The following UQCRB variants were observed in gnomAD, a reference collection of about 807,000 sequenced individuals.
UQCRB encodes the protein ubiquinol-cytochrome c reductase binding protein.
A neutral mutation model predicts 19.8 loss-of-function variants in UQCRB; 12 were observed. The ratio of observed to expected loss-of-function variants is 0.61; its 90% confidence interval spans 0.39 to 0.98. The LOEUF is 0.98. Among genes scored for constraint, UQCRB ranks in the 50% least tolerant of loss-of-function variants. The pLI, the probability that UQCRB is intolerant of heterozygous loss-of-function variation, is 0.00. For synonymous variants in UQCRB, 39 were observed against 42.9 expected (o/e 0.91, Z 0.35); for missense variants, 142 against 131.8 (o/e 1.08, Z -0.38).
intron 1 of UQCRB, chr8:96,234,817 C>A: frequency 5.3e-6 from 1 of 188,444 alleles, no homozygotes; most frequent in Non-Finnish European, 1.1e-5. Flanking sequence ...CCAACTTGTA[C>A]CGCCAGAGGG....
At chr8:96,234,582 C>T in intron 1 of UQCRB, 1 of 1,107,874 alleles carries the variant, frequency 9.0e-7, no homozygotes, top group Non-Finnish European at 1.2e-6. Context: ...CCCCCACCCC[C>T]AAAAAGCTCA....
intron 1 of UQCRB, chr8:96,234,755 A>C (rs1043926135): frequency 3.5e-6 from 1 of 287,318 alleles, no homozygotes; most frequent in Non-Finnish European, 7.0e-6. Context: ...CTGGGCGACA[A>C]AGCAAGACTC....
rs1809566278 is a variant in UQCRB, at chr8:96,228,103, T to C, written c.*2952A>G. On this transcript the variant is annotated 3_prime_UTR_variant, in exon 4 of 4. Transcript: ENST00000287022. ...AGGAAGGCCAAGTGATACTAGGTAG[T>C]GCACTACAACAGTGAACATAAGCCA... 1 of 454,010 alleles carries C rather than the reference T, an allele frequency of 2.2e-6. No homozygotes were observed. Among genetic ancestry groups the C allele is most frequent in the Non-Finnish European group, 4.4e-6 (1 of 226,796 alleles). The allele number at this position is 454,010 out of a possible 1,614,324, so 28.1% of individuals were successfully genotyped here. A position where few individuals can be genotyped will look rare whatever the true frequency, so the allele number is the denominator to read the frequency against.
Position 96,225,117 on chromosome 8 carries a change from C to A in UQCRB, c.*5938G>T, listed in dbSNP as rs1037765248. On this transcript the variant is annotated 3_prime_UTR_variant, in exon 4 of 4. Coordinates refer to ENST00000287022, the MANE Select transcript of UQCRB (RefSeq NM_006294.5). ...GGGGAAGAGGGAGCTAAGAGGAAAA[C>A]TAAACAAATAAGGAAAAGGCTGTGA... 2.4e-4 allele frequency among the ~76,000 whole-genome samples: 36 copies of A among 151,954 alleles called. No homozygotes were observed. Among genetic ancestry groups the A allele is most frequent in the African/African-American group, 8.7e-4 (36 of 41,370 alleles).
Position 96,231,941 on chromosome 8 carries a change from C to A in UQCRB, c.92-1G>T. 6.2e-7 allele frequency: 1 copy of A among 1,612,624 alleles called. No individual in the cohort carries two copies. Among genetic ancestry groups the A allele is most frequent in the Non-Finnish European group, 8.5e-7 (1 of 1,179,884 alleles). ...TATATTGTATCATCTCGCATTAACCCTATGATAGATGACAAAGTTAGATTG... is the reference window on the plus strand; with the variant it reads ...TATATTGTATCATCTCGCATTAACCATATGATAGATGACAAAGTTAGATTG... On this transcript the variant is annotated splice_acceptor_variant, in intron 2 of 3. Transcript: ENST00000287022. LOFTEE classifies it high-confidence loss of function.
At position 96,226,887 on chromosome 8, in the gene UQCRB, C is replaced by T. The variant is rs1045189327; in HGVS notation, c.*4168G>A. ...TTCTGACATCTATGCTAAAAATTAACCACCGTATAATGATTCAGTTCTTCT... is the reference window on the plus strand; with the variant it reads ...TTCTGACATCTATGCTAAAAATTAATCACCGTATAATGATTCAGTTCTTCT... On this transcript the variant is annotated 3_prime_UTR_variant, in exon 4 of 4. Transcript: ENST00000287022. 6 of 453,000 alleles carry T rather than the reference C, an allele frequency of 1.3e-5. No individual in the cohort carries two copies. Among genetic ancestry groups the T allele is most frequent in the Admixed American group, 4.7e-5 (2 of 42,474 alleles). 28.1% of individuals were successfully genotyped at this position (453,000 alleles called of 1,614,324 possible).
chr8:96,235,266 G>T, intron 1 of UQCRB: 1 of 612,676 alleles, frequency 1.6e-6, no homozygotes, highest in Non-Finnish European at 2.9e-6. Flanking sequence ...GAACTCCAGG[G>T]CTGTCAGAGC....
chr8:96,232,486 TA>T (rs1321191111), intron 2 of UQCRB: 1 of 154,200 alleles, frequency 6.5e-6, no homozygotes, highest in African/African-American at 2.4e-5. Flanking sequence ...ATGGACGTGA[TA>T]AAATTTTAAT....
chr8:96,231,854 TC>T lies in UQCRB; in HGVS notation c.177del (p.Met60CysfsTer10), dbSNP rs1563537970. The part of the protein sequence containing the change: ...RRLPENLYND[R>X]MFRIKRALDL... ...TCCAGTGCCCTCTTAATGCGAAACA[TC>T]CTGTCATTATAAAGGTTCTCAGGAA... On this transcript the variant is annotated frameshift_variant, in exon 3 of 4. Coordinates refer to ENST00000287022, the MANE Select transcript of UQCRB (RefSeq NM_006294.5). LOFTEE classifies it high-confidence loss of function. 6.2e-7 allele frequency: 1 copy of T among 1,614,160 alleles called. No homozygotes were observed. Among genetic ancestry groups the T allele is most frequent in the East Asian group, 2.2e-5 (1 of 44,874 alleles).
At position 96,229,872 on chromosome 8, in the gene UQCRB, A is replaced by T. The variant is rs1809618886; in HGVS notation, c.*1183T>A. On this transcript the variant is annotated 3_prime_UTR_variant, in exon 4 of 4. Transcript: ENST00000287022. ...ATACACACATTTCTCATTGCTTTAC[A>T]AACTTTAAATGTAACACAAATTCGT... 2.2e-6 allele frequency: 1 copy of T among 453,166 alleles called. No individual in the cohort carries two copies. The highest frequency in any genetic ancestry group is 2.0e-5 in the African/African-American group (1 of 49,902). The allele number at this position is 453,166 out of a possible 1,614,324, so 28.1% of individuals were successfully genotyped here.
intron 1 of UQCRB, 159 bp downstream of exon 1, chr8:96,235,353 G>A (rs1370197451): frequency 2.7e-6 from 3 of 1,095,320 alleles, no homozygotes; most frequent in Non-Finnish European, 4.2e-6. Flanking sequence ...GACAGCAAAC[G>A]AGTGGGGAAG....
rs975763289 is a variant in UQCRB at position 96,225,881 on chromosome 8, T to C, written c.*5174A>G. On this transcript the variant is annotated 3_prime_UTR_variant, in exon 4 of 4. Coordinates refer to ENST00000287022, the MANE Select transcript of UQCRB (RefSeq NM_006294.5). Reference sequence around the variant, plus strand: ...TACCTGTCTCTACCATCTTGGTTTTTCTCTGTATTCCCTACACTGGTGGTT... The same window carrying C: ...TACCTGTCTCTACCATCTTGGTTTTCCTCTGTATTCCCTACACTGGTGGTT... 4 of 152,160 alleles carry C rather than the reference T, an allele frequency of 2.6e-5. No individual in the cohort carries two copies. The highest frequency in any genetic ancestry group is 9.7e-5 in the African/African-American group (4 of 41,438). The allele number at this position is 152,160 out of a possible 1,614,324, so 9.4% of individuals were successfully genotyped here.
At chr8:96,235,313 C>T in intron 1 of UQCRB, 199 bp downstream of exon 1, 1 of 766,374 alleles carries the variant, frequency 1.3e-6, no homozygotes. Context: ...GGTTAACATC[C>T]CAACCCTATA....
chr8:96,231,748 C>A, intron 3 of UQCRB, 26 bp downstream of exon 3: 1 of 1,614,050 alleles, frequency 6.2e-7, no homozygotes, highest in Non-Finnish European at 8.5e-7. Context: ...ATGAGCAACA[C>A]TGTCAGGTAG....
rs1809581806 is a variant in UQCRB at position 96,228,608 on chromosome 8, A to T, written c.*2447T>A. The stretch of plus-strand genomic sequence containing the variant: ...CGCTTCTCAGCACATAATTTACATT[A>T]TGCATACTATATGCCAGAAACTGTT... On this transcript the variant is annotated 3_prime_UTR_variant, in exon 4 of 4. Coordinates refer to ENST00000287022, the MANE Select transcript of UQCRB (RefSeq NM_006294.5). The T allele has an allele frequency of 2.2e-6, 1 of 454,032 alleles. No individual in the cohort carries two copies. Among genetic ancestry groups the T allele is most frequent in the South Asian group, 1.6e-5 (1 of 64,488 alleles). The allele number at this position is 454,032 out of a possible 1,614,324, so 28.1% of individuals were successfully genotyped here.
At chr8:96,232,978 A>C (rs1336804493) in intron 2 of UQCRB, 178 bp downstream of exon 2, 2 of 616,668 alleles carry the variant, frequency 3.2e-6, no homozygotes, top group Admixed American at 3.1e-5. Context: ...AAAACTTTAA[A>C]AAGGAACTGG....
chr8:96,226,747 G>T lies in UQCRB; in HGVS notation c.*4308C>A, dbSNP rs940651873. On this transcript the variant is annotated 3_prime_UTR_variant, in exon 4 of 4. Coordinates refer to ENST00000287022, the MANE Select transcript of UQCRB (RefSeq NM_006294.5). The stretch of plus-strand genomic sequence containing the variant: ...TACATTTATGCAAAAATAGGCACAT[G>T]TATTCAAACAAAAAGTTCAATAAAT... The T allele has an allele frequency of 2.3e-5, 9 of 395,134 alleles. No individual in the cohort carries two copies. The highest frequency in any genetic ancestry group is 1.9e-4 in the African/African-American group (9 of 47,316). The allele number at this position is 395,134 out of a possible 1,614,324, so 24.5% of individuals were successfully genotyped here.
rs936438751 is a variant in UQCRB, at chr8:96,230,501, C to T, written c.*554G>A. The T allele has an allele frequency of 2.0e-5, 9 of 453,958 alleles. No homozygotes were observed. Among genetic ancestry groups the T allele is most frequent in the Non-Finnish European group, 3.5e-5 (8 of 226,804 alleles). 28.1% of individuals were successfully genotyped at this position (453,958 alleles called of 1,614,324 possible). On this transcript the variant is annotated 3_prime_UTR_variant, in exon 4 of 4. Transcript: ENST00000287022. ...TGGAAAAGTCACTGGGATATGGGGA[C>T]AGTATGATTTGTCTTTATACTTTTA...
chr8:96,233,154 A>T lies in UQCRB; in HGVS notation c.91+2T>A. 1 of 1,612,656 alleles carries T rather than the reference A, an allele frequency of 6.2e-7. No homozygotes were observed. On this transcript the variant is annotated splice_donor_variant, in intron 2 of 3. Transcript: ENST00000287022. LOFTEE classifies it high-confidence loss of function. ...AAAACATTAAACAGCACAGCTGCTT[A>T]CCCAGTTTATTGAATCCTGCAGCAT...
Sources: gnomAD v4.1 joint callset for allele counts (sites outside exome capture counted in the v4.1 genomes callset) on GRCh38, gnomAD v4.1.1 for gene constraint, MANE v1.5 for transcripts, NCBI Gene and HGNC (gene_info 2026-07-23, HGNC 2026-07-21) for gene names.